Variants in ARMC2 observed in about 807,000 individuals in gnomAD.
ARMC2 encodes armadillo repeat containing 2.
Under a neutral mutation model 90.3 loss-of-function variants are expected in ARMC2, and 67 were observed. That is an observed-to-expected ratio of 0.74 (90% confidence interval 0.61 to 0.91). ARMC2 has a LOEUF of 0.91. Among genes scored for constraint, ARMC2 ranks in the 40% least tolerant of loss-of-function variants. ARMC2 has a pLI of 0.00. For synonymous variants in ARMC2, 393 were observed against 393.0 expected (o/e 1.00, Z 0.00); for missense variants, 920 against 1,030.9 (o/e 0.89, Z 1.47).
intron 3 of ARMC2, among the ~76,000 whole-genome samples, chr6:108,863,556 C>T (rs115026507): frequency 0.013 from 2,009 of 152,270 alleles, 45 homozygotes; most frequent in African/African-American, 0.046. Context: ...GTTCAAATTT[C>T]GTTCACACAG....
chr6:108,889,447 GTTA>G (rs1157658879), intron 5 of ARMC2, among the ~76,000 whole-genome samples: 1 of 151,344 alleles, frequency 6.6e-6, no homozygotes, highest in Non-Finnish European at 1.5e-5. Flanking sequence ...CGCCCTGCCT[GTTA>G]TTATTTTTGA....
In ARMC2 at chr6:108,953,201, G is replaced by A. The variant is rs1777319047; in HGVS notation, c.1765G>A (p.Glu589Lys). The change falls in exon 13 of 18, where the codon GAG becomes AAG. Residue 589 changes from glutamate (E) to lysine (K), a missense_variant. Transcript: ENST00000392644. ...CCAGAAGCCGGTGGGCCAACGAGGC[G>A]AGCAGCACAGGGCGCAGAGGCCGCC... ...HSQKPVGQRG[E>K]QHRAQRPPSE... 1.9e-6 allele frequency: 3 copies of A among 1,613,848 alleles called. No individual in the cohort carries two copies. The highest frequency in any genetic ancestry group is 2.5e-6 in the Non-Finnish European group (3 of 1,179,906).
At chr6:108,985,109 TATG>T in the ARMC2 span, among the ~76,000 whole-genome samples, 1 of 152,224 alleles carries the variant, frequency 6.6e-6, no homozygotes, top group Non-Finnish European at 1.5e-5. Flanking sequence ...CTGATTCATG[TATG>T]ATATTCACAT....
At chr6:108,883,928 G>T (rs1427549593) in intron 5 of ARMC2, among the ~76,000 whole-genome samples, 1 of 151,436 alleles carries the variant, frequency 6.6e-6, no homozygotes, top group African/African-American at 2.4e-5. Flanking sequence ...CACATATTAT[G>T]ATGTTTATTT....
At chr6:108,972,511 C>T (rs182977140) in intron 17 of ARMC2, among the ~76,000 whole-genome samples, 1 of 152,122 alleles carries the variant, frequency 6.6e-6, no homozygotes, top group Non-Finnish European at 1.5e-5. Context: ...TCCTTTTATA[C>T]CTAACCTTTG....
the ARMC2 span, chr6:109,009,489 G>A: frequency 1.2e-5 from 15 of 1,235,212 alleles, no homozygotes; most frequent in East Asian, 4.3e-4. Flanking sequence ...GCGGACGCGC[G>A]GAGGCGGCGA....
chr6:108,879,210 A>C (rs1323423481), intron 5 of ARMC2, among the ~76,000 whole-genome samples: 8 of 149,866 alleles, frequency 5.3e-5, no homozygotes, highest in African/African-American at 2.0e-4. Flanking sequence ...CTGTCTACCC[A>C]TCCACCCATC....
In ARMC2 at chr6:108,973,112, A is replaced by G. The variant is rs191934186; in HGVS notation, c.2447-245A>G. On this transcript the variant is annotated intron_variant, in intron 17 of 17. Coordinates refer to ENST00000392644, the MANE Select transcript of ARMC2 (RefSeq NM_032131.6). ...GAGGCCAAGGTGGGAGGATTGCTTG[A>G]GGTCAGGAGTTGGAGACCAGTCTGG... Among the ~76,000 whole-genome samples, 11 of 152,234 alleles carry G rather than the reference A, an allele frequency of 7.2e-5. No homozygotes were observed. The East Asian group carries it at 1.5e-3, about 21-fold the overall frequency.
At chr6:109,010,777 C>T in the ARMC2 span, among the ~76,000 whole-genome samples, 2 of 152,188 alleles carry the variant, frequency 1.3e-5, no homozygotes, top group Non-Finnish European at 2.9e-5. Flanking sequence ...GAAAAGGCTA[C>T]AGAGGCTTCC....
At chr6:108,983,065 C>T in the ARMC2 span, among the ~76,000 whole-genome samples, 1 of 152,064 alleles carries the variant, frequency 6.6e-6, no homozygotes, top group Non-Finnish European at 1.5e-5. Flanking sequence ...GATCTGCCTG[C>T]CTCGGCCTCC....
At chr6:109,052,417 A>G in the ARMC2 span, among the ~76,000 whole-genome samples, 10 of 152,288 alleles carry the variant, frequency 6.6e-5, no homozygotes, top group African/African-American at 2.4e-4. Flanking sequence ...CCTACCACTC[A>G]AAGAAAGCCA....
the ARMC2 span, among the ~76,000 whole-genome samples, chr6:108,980,725 G>T: frequency 6.6e-6 from 1 of 152,188 alleles, no homozygotes; most frequent in Non-Finnish European, 1.5e-5. Flanking sequence ...TAGAGAGGCA[G>T]TCTGGCCACA....
chr6:108,978,098 C>T (rs1011108005), downstream of ARMC2, among the ~76,000 whole-genome samples: 21 of 152,168 alleles, frequency 1.4e-4, no homozygotes, highest in Middle Eastern at 3.4e-3. Context: ...GTTAGGGTGT[C>T]GAATTTAGAT....
rs184669548 is a variant in ARMC2 at position 108,929,076 on chromosome 6, C to G, written c.1496+843C>G. Among the ~76,000 whole-genome samples, 60 of 152,192 alleles carry G rather than the reference C, an allele frequency of 3.9e-4. No individual in the cohort carries two copies. In the East Asian group the frequency reaches 0.01, roughly 26 times the overall value. On this transcript the variant is annotated intron_variant, in intron 11 of 17. Transcript: ENST00000392644. Reference sequence around the variant, plus strand: ...CGTGGAGGCTTGGGGTCTCGACAATCATGTTACCCAGGCAGTAAGCATAGT... The same window carrying G: ...CGTGGAGGCTTGGGGTCTCGACAATGATGTTACCCAGGCAGTAAGCATAGT...
the ARMC2 span, among the ~76,000 whole-genome samples, chr6:109,004,133 C>A: frequency 6.6e-6 from 1 of 151,498 alleles, no homozygotes; most frequent in Non-Finnish European, 1.5e-5. Flanking sequence ...CTTTACCCCA[C>A]AATAAATCAG....
chr6:108,878,695 G>A (rs76988911), intron 5 of ARMC2, among the ~76,000 whole-genome samples: 3 of 152,146 alleles, frequency 2.0e-5, no homozygotes, highest in African/African-American at 4.8e-5. Context: ...AGAACACACT[G>A]TCAAGCACTT....
chr6:108,994,388 A>G, the ARMC2 span: 2 of 1,270,330 alleles, frequency 1.6e-6, no homozygotes, highest in Non-Finnish European at 2.2e-6. Context: ...TGATGCTTTA[A>G]AAGTTATTTA....
intron 3 of ARMC2, among the ~76,000 whole-genome samples, chr6:108,868,276 G>A (rs1227132224): frequency 6.6e-6 from 1 of 152,016 alleles, no homozygotes; most frequent in East Asian, 1.9e-4. Context: ...GAGTGCAGTG[G>A]TGCAGTCTTG....
intron 1 of ARMC2, among the ~76,000 whole-genome samples, chr6:108,850,324 G>A (rs1773876803): frequency 6.6e-6 from 1 of 152,120 alleles, no homozygotes; most frequent in Non-Finnish European, 1.5e-5. Flanking sequence ...TTCTCCTCCT[G>A]TTTCTTTTAA....
Sources: gnomAD v4.1 joint callset for allele counts (sites outside exome capture counted in the v4.1 genomes callset) on GRCh38, gnomAD v4.1.1 for gene constraint, MANE v1.5 for transcripts, NCBI Gene and HGNC (gene_info 2026-07-23, HGNC 2026-07-21) for gene names.